The following ENTPD1 variants were observed in gnomAD, a reference collection of about 807,000 sequenced individuals.
ENTPD1 encodes the protein ATP diphosphohydrolase.
Under a neutral mutation model 57.0 loss-of-function variants are expected in ENTPD1, and 33 were observed. The ratio of observed to expected loss-of-function variants is 0.58; its 90% CI spans 0.44 to 0.77. The LOEUF is 0.77. ENTPD1 is among the 30% of genes least tolerant of loss of function. The pLI, the probability that ENTPD1 is intolerant of heterozygous loss-of-function variation, is 0.00. For synonymous variants in ENTPD1, 202 were observed against 218.8 expected (o/e 0.92, Z 0.68); for missense variants, 501 against 603.4 (o/e 0.83, Z 1.78).
At chr10:95,804,223 TC>T (rs1480262728) in intron 1 of ENTPD1, among the ~76,000 whole-genome samples, 3 of 152,218 alleles carry the variant, frequency 2.0e-5, no homozygotes, top group Non-Finnish European at 2.9e-5. Context: ...AAAGTAGTTT[TC>T]TTCCAATTCT....
At chr10:95,716,405 G>A (rs1028610236) in intron 1 of ENTPD1, among the ~76,000 whole-genome samples, 4 of 152,036 alleles carry the variant, frequency 2.6e-5, no homozygotes, top group East Asian at 1.9e-4. Flanking sequence ...ATGGTTTGTC[G>A]CCACCAAAAC....
upstream of ENTPD1, among the ~76,000 whole-genome samples, chr10:95,711,218 C>T (rs4457685): frequency 0.84 from 127,925 of 152,210 alleles, 54,326 homozygotes; most frequent in Non-Finnish European, 0.91. Context: ...CCTGCCTCGT[C>T]TGACTGTTCC....
At chr10:95,749,847 CTTTTG>C (rs1286869129) in intron 1 of ENTPD1, among the ~76,000 whole-genome samples, 2 of 152,118 alleles carry the variant, frequency 1.3e-5, no homozygotes, top group Non-Finnish European at 2.9e-5. Flanking sequence ...GTTCCATAAT[CTTTTG>C]TTTTGTTTAA....
intron 1 of ENTPD1, among the ~76,000 whole-genome samples, chr10:95,800,822 T>C (rs1738787771): frequency 6.6e-6 from 1 of 152,208 alleles, no homozygotes; most frequent in South Asian, 2.1e-4. Flanking sequence ...TCTGTTATTT[T>C]TCAGGGTGCA....
intron 3 of ENTPD1, 30 bp from the exon 4 acceptor site, chr10:95,842,314 A>G (rs2098424316): frequency 2.5e-6 from 4 of 1,595,770 alleles, no homozygotes; most frequent in Non-Finnish European, 3.4e-6. Context: ...TTTTTTTTAA[A>G]AGATTGTTAT....
chr10:95,761,044 A>G (rs2098059272), intron 1 of ENTPD1, among the ~76,000 whole-genome samples: 1 of 151,838 alleles, frequency 6.6e-6, no homozygotes, highest in African/African-American at 2.4e-5. Flanking sequence ...GTTAGCCAGG[A>G]TGGTCTCGAT....
At chr10:95,824,720 T>C (rs939641102) in intron 2 of ENTPD1, among the ~76,000 whole-genome samples, 18 of 152,224 alleles carry the variant, frequency 1.2e-4, no homozygotes, top group African/African-American at 4.1e-4. Context: ...CATGACAAAC[T>C]TGAGTTATGT....
chr10:95,726,281 G>A (rs1589647820), intron 1 of ENTPD1, among the ~76,000 whole-genome samples: 1 of 152,128 alleles, frequency 6.6e-6, no homozygotes, highest in Admixed American at 6.5e-5. Flanking sequence ...CATAGTGAAA[G>A]TGTTATAACT....
intron 1 of ENTPD1, among the ~76,000 whole-genome samples, chr10:95,822,476 T>C (rs1334286045): frequency 6.6e-6 from 1 of 150,764 alleles, no homozygotes; most frequent in Non-Finnish European, 1.5e-5. Flanking sequence ...TTTGTATTTT[T>C]AGTAGAGATG....
At chr10:95,837,691 A>G (rs979341210) in intron 2 of ENTPD1, among the ~76,000 whole-genome samples, 2 of 152,132 alleles carry the variant, frequency 1.3e-5, no homozygotes, top group East Asian at 3.9e-4. Context: ...AATGGAGTAG[A>G]GTTTGACACT....
chr10:95,737,699 C>A (rs918958266), intron 1 of ENTPD1, among the ~76,000 whole-genome samples: 10 of 152,188 alleles, frequency 6.6e-5, no homozygotes, highest in African/African-American at 2.2e-4. Flanking sequence ...AAAATTAAAA[C>A]TTTTCCCCAA....
At chr10:95,728,732 C>T (rs1198705971) in intron 1 of ENTPD1, among the ~76,000 whole-genome samples, 1 of 152,166 alleles carries the variant, frequency 6.6e-6, no homozygotes, top group Non-Finnish European at 1.5e-5. Context: ...ATTCTTGCAA[C>T]ACTTGAGCTC....
At chr10:95,721,988 A>G (rs1016140747) in intron 1 of ENTPD1, among the ~76,000 whole-genome samples, 4 of 152,212 alleles carry the variant, frequency 2.6e-5, no homozygotes, top group Admixed American at 2.6e-4. Context: ...TGAGTATTTC[A>G]TAACAACCCA....
At chr10:95,716,740 C>T (rs2097972001) in intron 1 of ENTPD1, among the ~76,000 whole-genome samples, 1 of 152,198 alleles carries the variant, frequency 6.6e-6, no homozygotes, top group Admixed American at 6.5e-5. Flanking sequence ...TCCCAGTCTC[C>T]AGAACCATGA....
intron 1 of ENTPD1, among the ~76,000 whole-genome samples, chr10:95,723,131 A>C (rs1265502864): frequency 6.6e-6 from 1 of 152,218 alleles, no homozygotes; most frequent in Non-Finnish European, 1.5e-5. Context: ...CCTTGTTTAC[A>C]CTGACAACAA....
At chr10:95,845,930 T>C in intron 6 of ENTPD1, 1 of 310,224 alleles carries the variant, frequency 3.2e-6, no homozygotes, top group South Asian at 4.1e-5. Flanking sequence ...TAAGCTCTTT[T>C]AGACCACTTT....
Position 95,868,927 on chromosome 10 carries a change from A to T in ENTPD1, c.*2544A>T. 1 of 985,284 alleles carries T rather than the reference A, an allele frequency of 1.0e-6. No homozygotes were observed. Among genetic ancestry groups the T allele is most frequent in the Non-Finnish European group, 1.2e-6 (1 of 829,910 alleles). The allele number at this position is 985,284 out of a possible 1,614,324, so 61.0% of individuals were successfully genotyped here. A position where few individuals can be genotyped will look rare whatever the true frequency, so the allele number is the denominator to read the frequency against. ...CTTGTTAAAATCTCAAATTATGGAG[A>T]CAATCAGCAGACACAACCTAACCCC... On this transcript the variant is annotated 3_prime_UTR_variant, in exon 10 of 10. Transcript: ENST00000371205.
intron 1 of ENTPD1, among the ~76,000 whole-genome samples, chr10:95,716,241 C>G (rs151302111): frequency 2.4e-4 from 37 of 152,312 alleles, no homozygotes; most frequent in Non-Finnish European, 4.6e-4. Context: ...AACTTCATAA[C>G]TTTAACTTAA....
exon 1 of ENTPD1, chr10:95,711,923 A>G: frequency 6.2e-7 from 1 of 1,612,486 alleles, no homozygotes; most frequent in South Asian, 1.1e-5. Flanking sequence ...TGTGAACAGG[A>G]TACCAAAGCT....
Sources: allele counts gnomAD v4.1 joint callset (sites outside exome capture counted in the v4.1 genomes callset), GRCh38; gene constraint gnomAD v4.1.1; transcripts MANE v1.5; gene names NCBI Gene and HGNC (gene_info 2026-07-23, HGNC 2026-07-21).